QTMAN: variants seen among roughly 807,000 people sequenced by gnomAD.
The protein encoded by QTMAN is queuosine-tRNA mannosyltransferase.
the QTMAN span, chr2:144,178,517 CTG>C: frequency 6.5e-6 from 1 of 153,448 alleles, no homozygotes; most frequent in Non-Finnish European, 1.4e-5. Context: ...CCCTGGAAGA[CTG>C]TTATTTTGAT....
At chr2:144,303,115 A>G in the QTMAN span, among the ~76,000 whole-genome samples, 353 of 152,330 alleles carry the variant, frequency 2.3e-3, 1 homozygote, top group Admixed American at 5.9e-3. Context: ...TCCAAAAAAA[A>G]AGAAAAGAAA....
At chr2:144,172,479 C>A in the QTMAN span, among the ~76,000 whole-genome samples, 1 of 151,810 alleles carries the variant, frequency 6.6e-6, no homozygotes, top group African/African-American at 2.4e-5. Flanking sequence ...AAAAAATTAG[C>A]AGGGCATAGT....
At chr2:143,960,980 T>C in the QTMAN span, among the ~76,000 whole-genome samples, 4 of 152,118 alleles carry the variant, frequency 2.6e-5, no homozygotes, top group Admixed American at 6.6e-5. Context: ...CCCTTCTAGT[T>C]CTATCTTCTT....
At chr2:144,239,325 A>G in the QTMAN span, among the ~76,000 whole-genome samples, 1 of 152,218 alleles carries the variant, frequency 6.6e-6, no homozygotes, top group Non-Finnish European at 1.5e-5. Context: ...ACCTCTTAAA[A>G]CTAACTTCCC....
At chr2:144,301,533 A>G in the QTMAN span, among the ~76,000 whole-genome samples, 2 of 152,114 alleles carry the variant, frequency 1.3e-5, no homozygotes, top group African/African-American at 4.8e-5. Flanking sequence ...TTGTAGCTTC[A>G]AGAAAATTAA....
chr2:144,251,429 G>A, the QTMAN span, among the ~76,000 whole-genome samples: 4 of 152,140 alleles, frequency 2.6e-5, no homozygotes, highest in African/African-American at 9.7e-5. Flanking sequence ...ATGGAGAAAG[G>A]AGAGTCTCCA....
the QTMAN span, among the ~76,000 whole-genome samples, chr2:144,064,974 G>T: frequency 1.3e-5 from 2 of 152,090 alleles, no homozygotes; most frequent in Admixed American, 1.3e-4. Context: ...CCAGAGCAAG[G>T]GCCAACACAT....
the QTMAN span, among the ~76,000 whole-genome samples, chr2:143,979,334 G>C: frequency 9.9e-5 from 15 of 151,990 alleles, 1 homozygote. Context: ...AAAAACAGAA[G>C]ACCCAATATA....
At chr2:144,182,880 TATA>T in the QTMAN span, among the ~76,000 whole-genome samples, 1 of 81,330 alleles carries the variant, frequency 1.2e-5, no homozygotes, top group African/African-American at 6.2e-5. Context: ...ATATTATATA[TATA>T]TTTTATATAT....
chr2:144,145,108 T>TAAA, the QTMAN span, among the ~76,000 whole-genome samples: 104 of 109,070 alleles, frequency 9.5e-4, no homozygotes, highest in African/African-American at 3.2e-3. Flanking sequence ...TCTTACAATT[T>TAAA]AAAAAAAAAA....
chr2:143,949,113 CGTGT>C, the QTMAN span, among the ~76,000 whole-genome samples: 4 of 150,020 alleles, frequency 2.7e-5, no homozygotes, highest in East Asian at 1.9e-4. Context: ...GCCAAGTGTA[CGTGT>C]GTGTGTGTGT....
At chr2:144,272,832 C>T in the QTMAN span, among the ~76,000 whole-genome samples, 1 of 152,108 alleles carries the variant, frequency 6.6e-6, no homozygotes, top group Non-Finnish European at 1.5e-5. Context: ...TTATTTGATT[C>T]TTTAAAATCC....
At chr2:144,052,456 T>G in the QTMAN span, among the ~76,000 whole-genome samples, 1 of 152,216 alleles carries the variant, frequency 6.6e-6, no homozygotes, top group Non-Finnish European at 1.5e-5. Context: ...TAATATGTGC[T>G]TGCTTTGTAA....
chr2:144,160,461 T>G, the QTMAN span, among the ~76,000 whole-genome samples: 1 of 152,172 alleles, frequency 6.6e-6, no homozygotes, highest in Non-Finnish European at 1.5e-5. Context: ...TCAGAAAGGA[T>G]GACTTATCAA....
the QTMAN span, among the ~76,000 whole-genome samples, chr2:144,203,142 C>T: frequency 6.3e-5 from 9 of 141,778 alleles, no homozygotes; most frequent in Admixed American, 2.9e-4. Context: ...TCTAGTTTTA[C>T]AATGAAGAGT....
the QTMAN span, chr2:144,208,513 G>A: frequency 9.0e-7 from 1 of 1,108,272 alleles, no homozygotes. Context: ...CATAGTTGGA[G>A]AAATTCTCAA....
At chr2:143,975,067 A>G in the QTMAN span, among the ~76,000 whole-genome samples, 3 of 152,230 alleles carry the variant, frequency 2.0e-5, no homozygotes, top group Admixed American at 2.0e-4. Flanking sequence ...CAACGCAGAA[A>G]TATTTCAAGC....
chr2:143,977,046 A>G, the QTMAN span, among the ~76,000 whole-genome samples: 1 of 152,218 alleles, frequency 6.6e-6, no homozygotes, highest in Non-Finnish European at 1.5e-5. Flanking sequence ...GTTGTGAGGA[A>G]TGAAGAAATG....
the QTMAN span, among the ~76,000 whole-genome samples, chr2:144,104,747 T>A: frequency 2.6e-5 from 4 of 152,268 alleles, no homozygotes; most frequent in African/African-American, 9.6e-5. Flanking sequence ...TCTAACAGCT[T>A]TGAAGAGAGT....
Sources: allele counts gnomAD v4.1 joint callset (sites outside exome capture counted in the v4.1 genomes callset), GRCh38; gene constraint gnomAD v4.1.1; transcripts MANE v1.5; gene names NCBI Gene and HGNC (gene_info 2026-07-23, HGNC 2026-07-21).